The following LHFPL3 variants were observed in gnomAD, a reference collection of about 807,000 sequenced individuals.
LHFPL3 encodes LHFPL tetraspan subfamily member 3.
Under a neutral mutation model 19.3 loss-of-function variants are expected in LHFPL3, and 5 were observed. The observed-to-expected ratio is 0.26, with a 90% CI of 0.14 to 0.54. LHFPL3 has a LOEUF of 0.54. Among genes scored for constraint, LHFPL3 ranks in the 20% least tolerant of loss-of-function variants. LHFPL3 has a pLI of 0.94. For missense variants in LHFPL3, 249 were observed against 307.4 expected (o/e 0.81, Z 1.42); for synonymous variants, 133 against 126.2 (o/e 1.05, Z -0.36).
At chr7:104,601,200 T>A (rs1216282649) in intron 1 of LHFPL3, among the ~76,000 whole-genome samples, 1 of 152,178 alleles carries the variant, frequency 6.6e-6, no homozygotes, top group Non-Finnish European at 1.5e-5. Context: ...TACATCAGAA[T>A]CTGCTGGAAG....
chr7:104,553,997 C>G (rs186956697), intron 1 of LHFPL3, among the ~76,000 whole-genome samples: 6 of 152,310 alleles, frequency 3.9e-5, no homozygotes, highest in Admixed American at 3.3e-4. Context: ...GCTTCCCAAG[C>G]ACGTGATACC....
intron 1 of LHFPL3, among the ~76,000 whole-genome samples, chr7:104,698,334 A>G (rs983510713): frequency 6.6e-6 from 1 of 152,234 alleles, no homozygotes; most frequent in African/African-American, 2.4e-5. Context: ...AAACTTACCA[A>G]TTAAAGTTAA....
chr7:104,774,769 C>T (rs1233532651), intron 2 of LHFPL3, among the ~76,000 whole-genome samples: 1 of 152,160 alleles, frequency 6.6e-6, no homozygotes, highest in Non-Finnish European at 1.5e-5. Flanking sequence ...TGATCATGTT[C>T]CTTTTACAGA....
chr7:104,753,228 T>C (rs1379911030), intron 2 of LHFPL3, among the ~76,000 whole-genome samples: 2 of 152,194 alleles, frequency 1.3e-5, no homozygotes, highest in Admixed American at 6.5e-5. Context: ...CCTGGCAACC[T>C]TGAATGCATA....
At chr7:104,899,933 T>G (rs964636985) in intron 2 of LHFPL3, among the ~76,000 whole-genome samples, 4 of 152,230 alleles carry the variant, frequency 2.6e-5, no homozygotes, top group Admixed American at 2.6e-4. Context: ...GGTTTTACCA[T>G]GTTGGACACG....
chr7:104,553,099 G>T (rs1794692214), intron 1 of LHFPL3, among the ~76,000 whole-genome samples: 2 of 152,084 alleles, frequency 1.3e-5, no homozygotes, highest in South Asian at 2.1e-4. Flanking sequence ...TTGTTGTAAG[G>T]TACTCTTCAC....
At position 104,631,389 on chromosome 7, in the gene LHFPL3, C is replaced by T. The variant is rs1791639339; in HGVS notation, c.446-105286C>T. 2.0e-5 allele frequency among the ~76,000 whole-genome samples: 3 copies of T among 152,032 alleles called. No homozygotes were observed. In the South Asian group the frequency reaches 6.2e-4, roughly 32 times the overall value. ...CCCCCTCCAGAAATCCCGATTGGCCCTTGAAAGGAGCATGACCCGTGGCTG... is the reference window on the plus strand; with the variant it reads ...CCCCCTCCAGAAATCCCGATTGGCCTTTGAAAGGAGCATGACCCGTGGCTG... On this transcript the variant is annotated intron_variant, in intron 1 of 2. Transcript: ENST00000424859.
chr7:104,644,616 C>T (rs1239953349), intron 1 of LHFPL3, among the ~76,000 whole-genome samples: 3 of 152,128 alleles, frequency 2.0e-5, no homozygotes, highest in Admixed American at 2.0e-4. Flanking sequence ...GGTAGAAGGA[C>T]TCGTTGATAT....
intron 1 of LHFPL3, among the ~76,000 whole-genome samples, chr7:104,388,874 T>A (rs1467128258): frequency 6.6e-6 from 1 of 152,128 alleles, no homozygotes; most frequent in Non-Finnish European, 1.5e-5. Context: ...AGAAGGGAAT[T>A]TCCTCAAACT....
At chr7:104,837,479 GTATTT>G (rs1451715653) in intron 2 of LHFPL3, among the ~76,000 whole-genome samples, 15 of 152,246 alleles carry the variant, frequency 9.9e-5, no homozygotes, top group African/African-American at 3.6e-4. Context: ...TCTTCCCTGT[GTATTT>G]TATATTATTC....
intron 1 of LHFPL3, among the ~76,000 whole-genome samples, chr7:104,577,455 T>C (rs1347856918): frequency 1.3e-5 from 2 of 152,142 alleles, no homozygotes; most frequent in East Asian, 3.9e-4. Flanking sequence ...AGTGTAAATA[T>C]ATATACACAC....
chr7:104,744,436 A>G (rs1234497335), intron 2 of LHFPL3, among the ~76,000 whole-genome samples: 2 of 152,226 alleles, frequency 1.3e-5, no homozygotes, highest in African/African-American at 4.8e-5. Flanking sequence ...GTGTTTAACA[A>G]AGTCCTTGTG....
chr7:104,396,477 G>T (rs1791186549), intron 1 of LHFPL3, among the ~76,000 whole-genome samples: 1 of 151,992 alleles, frequency 6.6e-6, no homozygotes, highest in African/African-American at 2.4e-5. Flanking sequence ...AGTGAGGATA[G>T]GGTTAAATAC....
intron 1 of LHFPL3, among the ~76,000 whole-genome samples, chr7:104,684,114 C>A (rs1792763596): frequency 6.6e-6 from 1 of 152,136 alleles, no homozygotes; most frequent in African/African-American, 2.4e-5. Context: ...CCATCAATTT[C>A]TTTTCATTTC....
At chr7:104,584,889 A>G (rs924282716) in intron 1 of LHFPL3, among the ~76,000 whole-genome samples, 5 of 152,150 alleles carry the variant, frequency 3.3e-5, no homozygotes, top group Non-Finnish European at 5.9e-5. Context: ...TTTACTAAGA[A>G]CTGTTGAAAT....
intron 2 of LHFPL3, among the ~76,000 whole-genome samples, chr7:104,784,447 C>T (rs1402823868): frequency 6.6e-6 from 1 of 152,188 alleles, no homozygotes; most frequent in African/African-American, 2.4e-5. Context: ...CTGCTCAGCA[C>T]ACAGCTAATA....
intron 2 of LHFPL3, among the ~76,000 whole-genome samples, chr7:104,860,178 CCA>C (rs10534227): frequency 0.36 from 45,707 of 128,610 alleles, 7,005 homozygotes; most frequent in South Asian, 0.43. Context: ...ATACACCCAC[CCA>C]CACACACACA....
intron 2 of LHFPL3, among the ~76,000 whole-genome samples, chr7:104,900,157 G>A (rs1320572193): frequency 6.6e-6 from 1 of 152,206 alleles, no homozygotes; most frequent in African/African-American, 2.4e-5. Context: ...AATATGGAAT[G>A]GCTTCATGCC....
In LHFPL3 at chr7:104,650,772, G is replaced by A. The variant is rs115920328; in HGVS notation, c.446-85903G>A. Among the ~76,000 whole-genome samples the A allele has an allele frequency of 7.2e-3, 1,103 of 152,286 alleles. 15 individuals carry two copies. The highest frequency in any genetic ancestry group is 0.025 in the African/African-American group (1,048 of 41,548). On this transcript the variant is annotated intron_variant, in intron 1 of 2. Coordinates refer to ENST00000424859, the MANE Select transcript of LHFPL3 (RefSeq NM_199000.3). ...AAGAATGCTGTCCTAGGCACTGTGG[G>A]GAGATGCAAAAGAAGTCAATGACAG...
Sources: allele counts gnomAD v4.1 joint callset (sites outside exome capture counted in the v4.1 genomes callset), GRCh38; gene constraint gnomAD v4.1.1; transcripts MANE v1.5; gene names NCBI Gene and HGNC (gene_info 2026-07-23, HGNC 2026-07-21).